Variants in HAVCR2 observed in about 807,000 individuals in gnomAD.
HAVCR2 encodes the protein hepatitis A virus cellular receptor 2, also known as T cell immunoglobulin mucin 3.
HAVCR2 carries 13 observed loss-of-function variants against 24.7 expected under a neutral mutation model. The observed-to-expected ratio is 0.53, with a 90% confidence interval of 0.34 to 0.84. The LOEUF is 0.84. Ranked by LOEUF, HAVCR2 falls within the 40% of genes least tolerant of loss-of-function variation. HAVCR2 has a pLI of 0.01. For missense variants in HAVCR2, 343 were observed against 371.2 expected (o/e 0.92, Z 0.62); for synonymous variants, 154 against 143.4 (o/e 1.07, Z -0.53).
At chr5:157,088,911 C>A (rs756159614) in intron 6 of HAVCR2, 30 bp downstream of exon 6, 3 of 1,596,886 alleles carry the variant, frequency 1.9e-6, no homozygotes, top group Non-Finnish European at 2.6e-6. Context: ...AGATTCTCAC[C>A]TTTTCCCAAC....
intron 2 of HAVCR2, chr5:157,106,121 T>C: frequency 2.0e-5 from 1 of 49,468 alleles, no homozygotes; most frequent in Non-Finnish European, 3.7e-5. Flanking sequence ...AGTTTTGGCT[T>C]TTCTTTTCTT....
chr5:157,090,939 G>A (rs1429100827), intron 5 of HAVCR2, among the ~76,000 whole-genome samples: 1 of 152,082 alleles, frequency 6.6e-6, no homozygotes, highest in African/African-American at 2.4e-5. Context: ...AAACTCCTGG[G>A]CTCAAGTGAT....
intron 6 of HAVCR2, 117 bp downstream of exon 6, chr5:157,088,824 G>C: frequency 1.2e-6 from 1 of 860,040 alleles, no homozygotes; most frequent in Non-Finnish European, 1.9e-6. Flanking sequence ...AAAGAAGGAA[G>C]TATAAACTCA....
At chr5:157,091,814 G>A (rs1757008147) in intron 5 of HAVCR2, among the ~76,000 whole-genome samples, 1 of 152,214 alleles carries the variant, frequency 6.6e-6, no homozygotes, top group African/African-American at 2.4e-5. Context: ...GAGGGGCAAA[G>A]AAGTTTTGAG....
In HAVCR2 at chr5:157,087,352, G is replaced by A. The variant is rs962406190; in HGVS notation, c.714-58C>T. On this transcript the variant is annotated intron_variant, in intron 6 of 6. Coordinates refer to ENST00000307851, the MANE Select transcript of HAVCR2 (RefSeq NM_032782.5). ...CATTTCCCAGGTAACACGGAATAGA[G>A]TTAAGAGAATAGGCTTTCCCAAAGA... The A allele has an allele frequency of 2.1e-6, 3 of 1,449,198 alleles. No homozygotes were observed. In the African/African-American group the frequency reaches 4.3e-5, roughly 21 times the overall value. The allele number at this position is 1,449,198 out of a possible 1,614,324, so 89.8% of individuals were successfully genotyped here. A position where few individuals can be genotyped will look rare whatever the true frequency, so the allele number is the denominator to read the frequency against.
rs948815839 is a variant in HAVCR2 at position 157,109,040 on chromosome 5, C to T, written c.-57G>A. On this transcript the variant is annotated 5_prime_UTR_variant, in exon 1 of 7. Transcript: ENST00000307851. Reference sequence around the variant, plus strand: ...TCTGTTAGGCACAGTTTTAACTCTCCAAATGGACTGGGTACTTCTTCCAAC... The same window carrying T: ...TCTGTTAGGCACAGTTTTAACTCTCTAAATGGACTGGGTACTTCTTCCAAC... 1.3e-6 allele frequency: 2 copies of T among 1,499,922 alleles called. No homozygotes were observed. The highest frequency in any genetic ancestry group is 1.9e-6 in the Non-Finnish European group (2 of 1,078,656). 92.9% of individuals were successfully genotyped at this position (1,499,922 alleles called of 1,614,324 possible).
chr5:157,098,316 A>T (rs958140089), intron 4 of HAVCR2, among the ~76,000 whole-genome samples: 2 of 151,896 alleles, frequency 1.3e-5, no homozygotes, highest in Admixed American at 6.6e-5. Context: ...CTGAGGCAGG[A>T]GAATCGCTTG....
chr5:157,100,930 T>C (rs1219997393), intron 3 of HAVCR2, among the ~76,000 whole-genome samples: 1 of 152,032 alleles, frequency 6.6e-6, no homozygotes, highest in African/African-American at 2.4e-5. Context: ...ACCCCATCTC[T>C]ACTAAAATAC....
chr5:157,100,672 T>C (rs1407131039), intron 3 of HAVCR2, among the ~76,000 whole-genome samples: 2 of 152,218 alleles, frequency 1.3e-5, no homozygotes, highest in Non-Finnish European at 2.9e-5. Flanking sequence ...TATAAAGGGT[T>C]TGACTAAATG....
At chr5:157,103,947 C>G (rs949705780) in intron 3 of HAVCR2, among the ~76,000 whole-genome samples, 1 of 152,052 alleles carries the variant, frequency 6.6e-6, no homozygotes, top group Non-Finnish European at 1.5e-5. Flanking sequence ...TTGGGATAAA[C>G]GTTTTAGACA....
chr5:157,090,122 C>CTTTTTTTTTTTTTTTTTTTTTTTT (rs869177923), intron 5 of HAVCR2, among the ~76,000 whole-genome samples: 2 of 65,576 alleles, frequency 3.0e-5, no homozygotes, highest in Non-Finnish European at 5.3e-5. Context: ...CTTTTCTTTT[C>CTTTTTTTTTTTTTTTTTTTTTTTT]TTTTTTTTTT....
chr5:157,088,727 C>T (rs569928642), intron 6 of HAVCR2, among the ~76,000 whole-genome samples: 2 of 152,102 alleles, frequency 1.3e-5, no homozygotes, highest in Non-Finnish European at 2.9e-5. Context: ...AAATTCTATA[C>T]CTTAACTTTA....
chr5:157,099,339 C>G (rs574351276), intron 3 of HAVCR2, among the ~76,000 whole-genome samples: 1 of 151,904 alleles, frequency 6.6e-6, no homozygotes, highest in African/African-American at 2.4e-5. Flanking sequence ...TCACCGCAAC[C>G]TCGGCCTCCC....
chr5:157,087,042 A>G lies in HAVCR2; in HGVS notation c.*60T>C. The G allele has an allele frequency of 6.7e-7, 1 of 1,495,204 alleles. No individual in the cohort carries two copies. The highest frequency in any genetic ancestry group is 9.2e-7 in the Non-Finnish European group (1 of 1,081,732). 92.6% of individuals were successfully genotyped at this position (1,495,204 alleles called of 1,614,324 possible). Reference sequence around the variant, plus strand: ...CAGAACCTCCAAAACCAGTCAGGTGACACAGCTCATAGTTTCTGAAAAAGA... The same window carrying G: ...CAGAACCTCCAAAACCAGTCAGGTGGCACAGCTCATAGTTTCTGAAAAAGA... On this transcript the variant is annotated 3_prime_UTR_variant, in exon 7 of 7. Transcript: ENST00000307851.
rs775320393 is a variant in HAVCR2 at position 157,086,618 on chromosome 5, A to G, written c.*484T>C. The G allele has an allele frequency of 7.1e-5, 11 of 153,920 alleles. No homozygotes were observed. Among genetic ancestry groups the G allele is most frequent in the Admixed American group, 2.0e-4 (3 of 15,306 alleles). The allele number at this position is 153,920 out of a possible 1,614,324, so 9.5% of individuals were successfully genotyped here. On this transcript the variant is annotated 3_prime_UTR_variant, in exon 7 of 7. Coordinates refer to ENST00000307851, the MANE Select transcript of HAVCR2 (RefSeq NM_032782.5). The stretch of plus-strand genomic sequence containing the variant: ...AGCCGAGATTGTGCCATTGCACTCC[A>G]GCCTGGGCAACAGAGCAAGACTCCA...
intron 5 of HAVCR2, 132 bp downstream of exon 5, chr5:157,095,174 T>A (rs1372761418): frequency 6.5e-6 from 6 of 920,012 alleles, no homozygotes; most frequent in African/African-American, 3.4e-5. Flanking sequence ...ATTGTTAGGA[T>A]TTGGATGGAC....
At position 157,086,437 on chromosome 5, in the gene HAVCR2, A is replaced by AG. The variant is rs1433331287; in HGVS notation, c.*664dup. On this transcript the variant is annotated 3_prime_UTR_variant, in exon 7 of 7. Transcript: ENST00000307851. ...GCCGAGGCAGGCAAATCATGAGGTCAGGAGTTTGAGACCACACTGGCCAAC... is the reference window on the plus strand; with the variant it reads ...GCCGAGGCAGGCAAATCATGAGGTCAGGGAGTTTGAGACCACACTGGCCAAC... The AG allele has an allele frequency of 6.6e-6, 1 of 152,386 alleles. No individual in the cohort carries two copies. Among genetic ancestry groups the AG allele is most frequent in the Non-Finnish European group, 1.5e-5 (1 of 68,186 alleles). 9.4% of individuals were successfully genotyped at this position (152,386 alleles called of 1,614,324 possible).
chr5:157,098,909 AAGAGAGAGAG>A lies in HAVCR2; in HGVS notation c.479-18_479-9del, dbSNP rs70984443. 8 of 1,566,748 alleles carry A rather than the reference AAGAGAGAGAG, an allele frequency of 5.1e-6. No homozygotes were observed. In the South Asian group the frequency reaches 9.1e-5, roughly 18 times the overall value. ...CCAGTGTCTGTGTCTCTGCTATAAA[AAGAGAGAGAG>A]AGAGAGAGAGAGGAAAAATAGCCAA... is the stretch of plus-strand genomic sequence containing the variant. On this transcript the variant is annotated splice_polypyrimidine_tract_variant and intron_variant, in intron 3 of 6. Coordinates refer to ENST00000307851, the MANE Select transcript of HAVCR2 (RefSeq NM_032782.5).
intron 2 of HAVCR2, among the ~76,000 whole-genome samples, chr5:157,105,748 T>C (rs1757238145): frequency 6.6e-6 from 1 of 152,222 alleles, no homozygotes; most frequent in Non-Finnish European, 1.5e-5. Context: ...CATACATGCA[T>C]AACCCAGCAG....
Sources: allele counts gnomAD v4.1 joint callset (sites outside exome capture counted in the v4.1 genomes callset), GRCh38; gene constraint gnomAD v4.1.1; transcripts MANE v1.5; gene names NCBI Gene and HGNC (gene_info 2026-07-23, HGNC 2026-07-21).